The following CDK6 variants were observed in gnomAD, a reference collection of about 807,000 sequenced individuals.
The protein encoded by CDK6 is cyclin-dependent kinase 6.
CDK6 carries 6 observed loss-of-function variants against 37.1 expected under a neutral mutation model. The observed-to-expected ratio is 0.16, with a 90% confidence interval of 0.09 to 0.32. The LOEUF is 0.32. Among genes scored for constraint, CDK6 ranks in the 10% least tolerant of loss-of-function variants. CDK6 has a pLI of 1.00. For missense variants in CDK6, 224 were observed against 418.9 expected, an observed-to-expected ratio of 0.53 and a Z score of 4.06; for synonymous variants, 160 against 161.3, an observed-to-expected ratio of 0.99 and a Z score of 0.06.
intron 2 of CDK6, among the ~76,000 whole-genome samples, chr7:92,795,678 C>G (rs1584097147): frequency 6.6e-6 from 1 of 152,100 alleles, no homozygotes; most frequent in Admixed American, 6.6e-5. Context: ...TTCAGTCGTG[C>G]TATTTCTTCC....
intron 4 of CDK6, among the ~76,000 whole-genome samples, chr7:92,680,249 A>G (rs1479714860): frequency 2.9e-4 from 44 of 150,474 alleles, no homozygotes; most frequent in African/African-American, 1.0e-3. Context: ...CCTGACCAAC[A>G]TGGTGAAACC....
chr7:92,734,174 A>T (rs1178107947), intron 3 of CDK6, among the ~76,000 whole-genome samples: 1 of 152,124 alleles, frequency 6.6e-6, no homozygotes, highest in East Asian at 1.9e-4. Flanking sequence ...TCATTTACTC[A>T]AGTCTTGTTC....
At chr7:92,621,197 C>T (rs899574100) in intron 6 of CDK6, among the ~76,000 whole-genome samples, 3 of 152,152 alleles carry the variant, frequency 2.0e-5, no homozygotes, top group African/African-American at 7.2e-5. Flanking sequence ...CAGCATTGTC[C>T]CTTTTCTCTG....
At chr7:92,823,682 A>C (rs1369399230) in intron 2 of CDK6, among the ~76,000 whole-genome samples, 1 of 152,034 alleles carries the variant, frequency 6.6e-6, no homozygotes, top group Non-Finnish European at 1.5e-5. Context: ...AATGTATACT[A>C]TATCAGCTAA....
chr7:92,799,157 A>G (rs1398226796), intron 2 of CDK6, among the ~76,000 whole-genome samples: 1 of 152,176 alleles, frequency 6.6e-6, no homozygotes, highest in Non-Finnish European at 1.5e-5. Flanking sequence ...ACTGAATGAC[A>G]GTCTACACTT....
chr7:92,754,275 G>A (rs547826477), intron 3 of CDK6, among the ~76,000 whole-genome samples: 1 of 152,162 alleles, frequency 6.6e-6, no homozygotes, highest in African/African-American at 2.4e-5. Context: ...ATTGTCTTTG[G>A]TGCAATCATT....
intron 5 of CDK6, among the ~76,000 whole-genome samples, chr7:92,642,895 AT>A (rs546349753): frequency 0.046 from 6,601 of 142,212 alleles, 158 homozygotes; most frequent in Non-Finnish European, 0.063. Context: ...TGAAAAAAGA[AT>A]TTTTTTTTTT....
chr7:92,807,252 CTCTA>C (rs1369788554), intron 2 of CDK6, among the ~76,000 whole-genome samples: 1 of 152,046 alleles, frequency 6.6e-6, no homozygotes, highest in Non-Finnish European at 1.5e-5. Flanking sequence ...TCATCTTTTA[CTCTA>C]TCTACTTTCT....
At position 92,834,045 on chromosome 7, in the gene CDK6, T is replaced by C. The variant is rs1801577303; in HGVS notation, c.-367-355A>G. The C allele has an allele frequency of 5.1e-6, 2 of 395,364 alleles. No individual in the cohort carries two copies. The highest frequency in any genetic ancestry group is 3.6e-5 in the East Asian group (1 of 27,820). 24.5% of individuals were successfully genotyped at this position (395,364 alleles called of 1,614,324 possible). A position where few individuals can be genotyped will look rare whatever the true frequency, so the allele number is the denominator to read the frequency against. ...CGCCGGGCACGTCAATGTCACGGCT[T>C]AATATTTATCCCTATATCATTGTGT... On this transcript the variant is annotated intron_variant, in intron 1 of 7. Coordinates refer to ENST00000424848, the MANE Select transcript of CDK6 (RefSeq NM_001145306.2). The surrounding 1 kb of genome is among the most constrained non-coding windows in gnomAD (Gnocchi z 4.6).
chr7:92,816,464 G>T (rs1156568994), intron 2 of CDK6, among the ~76,000 whole-genome samples: 1 of 152,004 alleles, frequency 6.6e-6, no homozygotes, highest in Non-Finnish European at 1.5e-5. Flanking sequence ...ATACAGAATT[G>T]TTCTCTGATC....
chr7:92,631,803 T>C (rs1374269267), intron 5 of CDK6, among the ~76,000 whole-genome samples: 1 of 152,138 alleles, frequency 6.6e-6, no homozygotes, highest in African/African-American at 2.4e-5. Context: ...TCTGAAGTGC[T>C]GTGTAGGTGG....
intron 2 of CDK6, among the ~76,000 whole-genome samples, chr7:92,781,511 T>C (rs1799991530): frequency 6.6e-6 from 1 of 152,264 alleles, no homozygotes; most frequent in African/African-American, 2.4e-5. Flanking sequence ...TCCAATAGGT[T>C]TGGGATTTCC....
intron 2 of CDK6, among the ~76,000 whole-genome samples, chr7:92,818,556 TACAAAAAAGCA>T (rs1801086440): frequency 6.6e-6 from 1 of 151,386 alleles, no homozygotes; most frequent in Non-Finnish European, 1.5e-5. Context: ...TTAGATAGGA[TACAAAAAAGCA>T]TAAGCTATCA....
In CDK6 at chr7:92,615,035, C is replaced by A; in HGVS notation, c.*105G>T. 8.5e-7 allele frequency: 1 copy of A among 1,176,740 alleles called. No homozygotes were observed. The highest frequency in any genetic ancestry group is 1.5e-5 in the South Asian group (1 of 65,432). The allele number at this position is 1,176,740 out of a possible 1,614,324, so 72.9% of individuals were successfully genotyped here. ...TGTCCAGAAGACAGCAGCTGGAAGGCCTCCAGATAGCAATCCTCCACAGCT... is the reference window on the plus strand; with the variant it reads ...TGTCCAGAAGACAGCAGCTGGAAGGACTCCAGATAGCAATCCTCCACAGCT... On this transcript the variant is annotated 3_prime_UTR_variant, in exon 8 of 8. Coordinates refer to ENST00000424848, the MANE Select transcript of CDK6 (RefSeq NM_001145306.2).
chr7:92,780,880 T>C (rs998002222), intron 2 of CDK6, among the ~76,000 whole-genome samples: 2 of 152,170 alleles, frequency 1.3e-5, no homozygotes, highest in Non-Finnish European at 2.9e-5. Context: ...TGACCAATAT[T>C]TTAAGACTTT....
In CDK6 at chr7:92,833,032, C is replaced by G; in HGVS notation, c.233+59G>C. 1 of 1,273,774 alleles carries G rather than the reference C, an allele frequency of 7.9e-7. No individual in the cohort carries two copies. Among genetic ancestry groups the G allele is most frequent in the Non-Finnish European group, 1.1e-6 (1 of 914,394 alleles). The allele number at this position is 1,273,774 out of a possible 1,614,324, so 78.9% of individuals were successfully genotyped here. A position where few individuals can be genotyped will look rare whatever the true frequency, so the allele number is the denominator to read the frequency against. On this transcript the variant is annotated intron_variant, in intron 2 of 7. Transcript: ENST00000424848. The surrounding 1 kb of genome is among the most constrained non-coding windows in gnomAD (Gnocchi z 6.1). ...CCTTTCTGGGCCTGAGGATTCCCGG[C>G]TCGGCCCTCCCCGCGCGCGCGAGGC...
chr7:92,733,403 A>G (rs1030757302), intron 3 of CDK6, among the ~76,000 whole-genome samples: 6 of 152,144 alleles, frequency 3.9e-5, no homozygotes, highest in Non-Finnish European at 8.8e-5. Flanking sequence ...TAGCTTCAGA[A>G]CTTTGACTTC....
intron 4 of CDK6, among the ~76,000 whole-genome samples, chr7:92,724,752 A>G (rs1013899538): frequency 1.3e-5 from 2 of 152,176 alleles, no homozygotes; most frequent in Admixed American, 6.5e-5. Flanking sequence ...TTGAATATAC[A>G]AAGATATTTT....
chr7:92,835,768 TG>T lies in CDK6; in HGVS notation c.-368+709del, dbSNP rs1469536886. On this transcript the variant is annotated intron_variant, in intron 1 of 7. Transcript: ENST00000424848. The surrounding 1 kb of genome is among the most constrained non-coding windows in gnomAD (Gnocchi z 4.2). Reference sequence around the variant, plus strand: ...GTGCGCACACGCAGATGCGCCCATATGCACACGGACGGGCGCGCTGCGGGGA... The same window carrying T: ...GTGCGCACACGCAGATGCGCCCATATCACACGGACGGGCGCGCTGCGGGGA... 6.6e-6 allele frequency among the ~76,000 whole-genome samples: 1 copy of T among 152,192 alleles called. No homozygotes were observed. The highest frequency in any genetic ancestry group is 1.5e-5 in the Non-Finnish European group (1 of 68,010).
Sources: gnomAD v4.1 joint callset for allele counts (sites outside exome capture counted in the v4.1 genomes callset) on GRCh38, gnomAD v4.1.1 for gene constraint, Gnocchi (gnomAD v3.1) non-coding constraint, MANE v1.5 for transcripts, NCBI Gene and HGNC (gene_info 2026-07-23, HGNC 2026-07-21) for gene names.